Variants in ZNRF1 observed in about 807,000 individuals in gnomAD.
ZNRF1 encodes the protein E3 ubiquitin-protein ligase ZNRF1.
A neutral mutation model predicts 18.4 loss-of-function variants in ZNRF1; 3 were observed. The observed-to-expected ratio is 0.16, with a 90% CI of 0.07 to 0.42. The LOEUF (loss-of-function observed/expected upper bound fraction) is 0.42. Ranked by LOEUF, ZNRF1 falls within the 10% of genes least tolerant of loss-of-function variation. The probability of loss-of-function intolerance (pLI) is 0.99; values close to 1 mark genes in which losing one functional copy is unlikely to be tolerated. For synonymous variants in ZNRF1, 157 were observed against 144.2 expected (o/e 1.09, Z -0.64); for missense variants, 310 against 329.8 (o/e 0.94, Z 0.47).
intron 1 of ZNRF1, among the ~76,000 whole-genome samples, chr16:75,049,108 A>C (rs2035555338): frequency 6.6e-6 from 1 of 151,682 alleles, no homozygotes; most frequent in Admixed American, 6.6e-5. Context: ...GAGTTCAAGC[A>C]ATTCTCCTGC....
chr16:75,078,847 A>T (rs2035975188), intron 1 of ZNRF1, among the ~76,000 whole-genome samples: 1 of 152,190 alleles, frequency 6.6e-6, no homozygotes, highest in Admixed American at 6.5e-5. Context: ...CTTGGTTTTA[A>T]TGTTATGTCA....
chr16:75,008,623 C>T (rs1369124239), intron 1 of ZNRF1, among the ~76,000 whole-genome samples: 2 of 152,024 alleles, frequency 1.3e-5, no homozygotes, highest in Admixed American at 6.6e-5. Context: ...TGAACAAAAA[C>T]GTTCATTTAT....
chr16:74,999,853 C>T lies in ZNRF1; in HGVS notation c.182C>T (p.Pro61Leu). The change falls in exon 1 of 5, where the codon CCC becomes CTC. Residue 61 changes from proline to leucine, a missense_variant. Pro to Leu is a moderately conservative substitution (Grantham distance 98). Coordinates refer to ENST00000335325, the MANE Select transcript of ZNRF1 (RefSeq NM_032268.5). ...TCGGTGGCAGGCATGGGCATGGACC[C>T]CAGCACGGCCGGGGGGGTGCCCTTT... Reference protein sequence around the residue: ...VSSVAGMGMDPSTAGGVPFGL... With the variant: ...VSSVAGMGMDLSTAGGVPFGL... 1 of 1,505,962 alleles carries T rather than the reference C, an allele frequency of 6.6e-7. No homozygotes were observed. The highest frequency in any genetic ancestry group is 8.8e-7 in the Non-Finnish European group (1 of 1,131,520). 93.3% of individuals were successfully genotyped at this position (1,505,962 alleles called of 1,614,324 possible).
intron 1 of ZNRF1, among the ~76,000 whole-genome samples, chr16:75,004,051 C>T (rs894944383): frequency 5.9e-5 from 9 of 151,790 alleles, no homozygotes; most frequent in Non-Finnish European, 1.2e-4. Context: ...GTCTCAGACT[C>T]CTGGGCTCAG....
chr16:75,023,533 A>G (rs1366293072), intron 1 of ZNRF1, among the ~76,000 whole-genome samples: 1 of 151,976 alleles, frequency 6.6e-6, no homozygotes, highest in African/African-American at 2.4e-5. Context: ...AAAATACAAA[A>G]ATTAGTTGGG....
In ZNRF1 at chr16:75,108,452, T is replaced by C; in HGVS notation, c.*752T>C. 1 of 397,360 alleles carries C rather than the reference T, an allele frequency of 2.5e-6. No individual in the cohort carries two copies. The highest frequency in any genetic ancestry group is 4.4e-6 in the Non-Finnish European group (1 of 225,496). 24.6% of individuals were successfully genotyped at this position (397,360 alleles called of 1,614,324 possible). A position where few individuals can be genotyped will look rare whatever the true frequency, so the allele number is the denominator to read the frequency against. ...TCTTAGGCCCTCGTGGATTTTTTTT[T>C]TCAGAAAACTTAAACAAAAAAAGAC... is the stretch of plus-strand genomic sequence containing the variant. On this transcript the variant is annotated 3_prime_UTR_variant, in exon 5 of 5. Transcript: ENST00000335325.
intron 1 of ZNRF1, among the ~76,000 whole-genome samples, chr16:75,045,449 G>A (rs1168103408): frequency 6.6e-6 from 1 of 152,146 alleles, no homozygotes; most frequent in Non-Finnish European, 1.5e-5. Flanking sequence ...AGTAGAGGTG[G>A]GACCAGTGCA....
At chr16:75,006,723 A>C (rs2034923027) in intron 1 of ZNRF1, among the ~76,000 whole-genome samples, 1 of 152,204 alleles carries the variant, frequency 6.6e-6, no homozygotes, top group South Asian at 2.1e-4. Context: ...GGCATGAGCT[A>C]CCGTGCCTGG....
At chr16:75,076,841 A>G (rs1179066040) in intron 1 of ZNRF1, among the ~76,000 whole-genome samples, 1 of 151,726 alleles carries the variant, frequency 6.6e-6, no homozygotes, top group South Asian at 2.1e-4. Flanking sequence ...GAAGAAGAAG[A>G]GACACCAGCG....
chr16:75,018,570 A>T (rs1005852642), intron 1 of ZNRF1, among the ~76,000 whole-genome samples: 2 of 152,040 alleles, frequency 1.3e-5, no homozygotes, highest in Non-Finnish European at 2.9e-5. Flanking sequence ...TATTGCCTTT[A>T]TTCTCTTTTA....
chr16:75,029,049 T>C (rs1490887511), intron 1 of ZNRF1, among the ~76,000 whole-genome samples: 1 of 148,776 alleles, frequency 6.7e-6, no homozygotes, highest in East Asian at 2.0e-4. Context: ...GTGTGTATGC[T>C]ACATGTCCAG....
chr16:75,106,708 T>A, intron 4 of ZNRF1, 137 bp downstream of exon 4: 1 of 636,956 alleles, frequency 1.6e-6, no homozygotes, highest in South Asian at 1.8e-5. Context: ...ACCTCATCAG[T>A]GAGCAGTTAG....
chr16:75,051,100 C>A (rs1160183601), intron 1 of ZNRF1, among the ~76,000 whole-genome samples: 2 of 151,270 alleles, frequency 1.3e-5, no homozygotes, highest in Admixed American at 6.6e-5. Context: ...ACTCAGGAGG[C>A]TGAGGCAGTA....
At chr16:75,023,743 C>G (rs913092502) in intron 1 of ZNRF1, among the ~76,000 whole-genome samples, 2 of 151,944 alleles carry the variant, frequency 1.3e-5, no homozygotes, top group African/African-American at 4.8e-5. Flanking sequence ...CCCCAACAAG[C>G]TATGTAGGAG....
intron 1 of ZNRF1, among the ~76,000 whole-genome samples, chr16:75,006,862 A>AG (rs1443572399): frequency 5.3e-5 from 8 of 152,178 alleles, no homozygotes; most frequent in Admixed American, 3.3e-4. Flanking sequence ...GAGTGTGAGA[A>AG]GGGGATTCTT....
chr16:75,086,203 A>G (rs1431835292), intron 1 of ZNRF1, among the ~76,000 whole-genome samples: 1 of 152,170 alleles, frequency 6.6e-6, no homozygotes, highest in Non-Finnish European at 1.5e-5. Context: ...TCACAGTCAC[A>G]CCAAAAATAA....
At chr16:75,014,666 ATGTGTGCATGCGTGCATGTG>A (rs2035043554) in intron 1 of ZNRF1, among the ~76,000 whole-genome samples, 1 of 152,092 alleles carries the variant, frequency 6.6e-6, no homozygotes, top group Non-Finnish European at 1.5e-5. Context: ...GGGTATGTGT[ATGTGTGCATGCGTGCATGTG>A]TGTGTATCTT....
At chr16:75,105,019 G>A (rs2036297992) in intron 3 of ZNRF1, 130 bp downstream of exon 3, 3 of 706,772 alleles carry the variant, frequency 4.2e-6, no homozygotes, top group Middle Eastern at 5.0e-4. Context: ...AGCGGGTAAG[G>A]GCAGAGGCCA....
chr16:75,062,705 T>C (rs2035758250), intron 1 of ZNRF1, among the ~76,000 whole-genome samples: 1 of 152,178 alleles, frequency 6.6e-6, no homozygotes, highest in Admixed American at 6.5e-5. Context: ...TGGAGGCTCA[T>C]ATGGGGTGGG....
Sources: gnomAD v4.1 joint callset for allele counts (sites outside exome capture counted in the v4.1 genomes callset) on GRCh38, gnomAD v4.1.1 for gene constraint, MANE v1.5 for transcripts, NCBI Gene and HGNC (gene_info 2026-07-23, HGNC 2026-07-21) for gene names.